GJA8: variants seen among roughly 807,000 people sequenced by gnomAD.
GJA8 encodes gap junction protein alpha 8.
In GJA8, 13 loss-of-function variants were observed where a neutral mutation model predicts 15.3. That is an observed-to-expected ratio of 0.85 (90% CI 0.55 to 1.35). The LOEUF (loss-of-function observed/expected upper bound fraction) is 1.35, where lower values mean the gene tolerates loss of function less well. GJA8 is among the 40% of genes most tolerant of loss of function. GJA8 has a pLI of 0.00. For missense variants in GJA8, 607 were observed against 553.3 expected, an observed-to-expected ratio of 1.10 and a Z score of -0.97; for synonymous variants, 304 against 238.7, an observed-to-expected ratio of 1.27 and a Z score of -2.52.
At chr1:147,904,140 C>T (rs1553241973) in intron 1 of GJA8, among the ~76,000 whole-genome samples, 1 of 152,024 alleles carries the variant, frequency 6.6e-6, no homozygotes, top group East Asian at 1.9e-4. Context: ...ACCCTGTTGG[C>T]CAGGCTGATC....
At position 147,908,088 on chromosome 1, in the gene GJA8, T is replaced by TG. The variant is rs1553242552; in HGVS notation, c.139dup (p.Asp47GlyfsTer2). The TG allele has an allele frequency of 3.7e-6, 6 of 1,614,048 alleles. No individual in the cohort carries two copies. Among genetic ancestry groups the TG allele is most frequent in the African/African-American group, 1.3e-5 (1 of 74,918 alleles). On this transcript the variant is annotated frameshift_variant, in exon 2 of 2. Coordinates refer to ENST00000369235, the MANE Select transcript of GJA8 (RefSeq NM_005267.5). LOFTEE classifies it high-confidence loss of function. ...CCTTGGCACGGCCGCAGAGTTCGTGTGGGGGGATGAGCAATCCGACTTCGT... is the reference window on the plus strand; with the variant it reads ...CCTTGGCACGGCCGCAGAGTTCGTGTGGGGGGGATGAGCAATCCGACTTCGT...
intron 1 of GJA8, among the ~76,000 whole-genome samples, chr1:147,905,996 C>T (rs1558008106): frequency 6.6e-6 from 1 of 152,244 alleles, no homozygotes; most frequent in Non-Finnish European, 1.5e-5. Flanking sequence ...AAGCGAACAG[C>T]TATTGTGCCT....
In GJA8 at chr1:147,908,288, G is replaced by A. The variant is rs372885882; in HGVS notation, c.333G>A (p.Ala111=). ...AGGAGAAGCGCAAAAGCCGCGAGGC[G>A]GAGGAGCTGGGCCAGCAGGCGGGGA... ...RMEEKRKSRE[A]EELGQQAGTN... Residue 111 remains alanine (A), a synonymous_variant, in exon 2 of 2, where the codon GCG becomes GCA. Transcript: ENST00000369235. 35 of 1,614,030 alleles carry A rather than the reference G, an allele frequency of 2.2e-5. No homozygotes were observed. Among genetic ancestry groups the A allele is most frequent in the South Asian group, 4.4e-5 (4 of 91,082 alleles).
In GJA8 at chr1:147,909,078, C is replaced by A. The variant is rs782515955; in HGVS notation, c.1123C>A (p.Pro375Thr). Residue 375 changes from proline to threonine, a missense_variant, in exon 2 of 2, where the codon CCC becomes ACC. Physicochemically the swap from Pro to Thr is conservative, Grantham distance 38. Coordinates refer to ENST00000369235, the MANE Select transcript of GJA8 (RefSeq NM_005267.5). Reference sequence around the variant, plus strand: ...GCCAGAGGGGGAGAAAGTAGAGACCCCCGGAGTGGATAAGGAGGGTGAAAA... The same window carrying A: ...GCCAGAGGGGGAGAAAGTAGAGACCACCGGAGTGGATAAGGAGGGTGAAAA... The part of the protein sequence containing the change: ...AVPEGEKVET[P>T]GVDKEGEKEE... 1 of 1,609,010 alleles carries A rather than the reference C, an allele frequency of 6.2e-7. No individual in the cohort carries two copies. The highest frequency in any genetic ancestry group is 1.1e-5 in the South Asian group (1 of 90,496).
downstream of GJA8, among the ~76,000 whole-genome samples, chr1:147,912,064 G>T (rs1652183286): frequency 6.6e-6 from 1 of 152,094 alleles, no homozygotes. Flanking sequence ...TTCTATTTCT[G>T]CCATTTAGTA....
chr1:147,908,724 G>T lies in GJA8; in HGVS notation c.769G>T (p.Val257Phe), dbSNP rs781985676. ...TGAGAAATCCCTCCACTCCATTGCTGTCTCCTCCATCCAGAAAGCCAAGGG... is the reference window on the plus strand; with the variant it reads ...TGAGAAATCCCTCCACTCCATTGCTTTCTCCTCCATCCAGAAAGCCAAGGG... Reference protein sequence around the residue: ...IPEKSLHSIAVSSIQKAKGYQ... With the variant: ...IPEKSLHSIAFSSIQKAKGYQ... The change falls in exon 2 of 2, where the codon GTC (valine) becomes TTC (phenylalanine). Residue 257 changes from valine (V) to phenylalanine (F), a missense_variant. Transcript: ENST00000369235. 6.2e-7 allele frequency: 1 copy of T among 1,614,098 alleles called. No individual in the cohort carries two copies. Among genetic ancestry groups the T allele is most frequent in the Non-Finnish European group, 8.5e-7 (1 of 1,179,960 alleles).
At chr1:147,911,617 C>T (rs1367380976), downstream of GJA8, among the ~76,000 whole-genome samples, 8 of 152,124 alleles carry the variant, frequency 5.3e-5, no homozygotes, top group Admixed American at 5.2e-4. Flanking sequence ...AGACTTTCTC[C>T]TATATGGTGA....
At position 147,908,012 on chromosome 1, in the gene GJA8, C is replaced by A. The variant is rs868966405; in HGVS notation, c.57C>A (p.Thr19=). ...NILEEVNEHS[T]VIGRVWLTVL... Reference sequence around the variant, plus strand: ...TGGAGGAGGTGAATGAGCACTCCACCGTCATCGGCAGAGTCTGGCTCACCG... The same window carrying A: ...TGGAGGAGGTGAATGAGCACTCCACAGTCATCGGCAGAGTCTGGCTCACCG... Residue 19 remains threonine (T), a synonymous_variant, in exon 2 of 2, where the codon ACC becomes ACA. Coordinates refer to ENST00000369235, the MANE Select transcript of GJA8 (RefSeq NM_005267.5). 6.2e-7 allele frequency: 1 copy of A among 1,614,042 alleles called. No individual in the cohort carries two copies. Among genetic ancestry groups the A allele is most frequent in the Non-Finnish European group, 8.5e-7 (1 of 1,179,896 alleles).
Position 147,908,007 on chromosome 1 carries a change from TCC to T in GJA8, c.53_54del (p.Ser18TyrfsTer30). On this transcript the variant is annotated frameshift_variant, in exon 2 of 2. Coordinates refer to ENST00000369235, the MANE Select transcript of GJA8 (RefSeq NM_005267.5). LOFTEE classifies it high-confidence loss of function. ...GNILEEVNEH[S>X]TVIGRVWLTV... ...CATCTTGGAGGAGGTGAATGAGCAC[TCC>T]ACCGTCATCGGCAGAGTCTGGCTCA... The T allele has an allele frequency of 6.2e-7, 1 of 1,614,094 alleles. No individual in the cohort carries two copies. Among genetic ancestry groups the T allele is most frequent in the Non-Finnish European group, 8.5e-7 (1 of 1,179,960 alleles).
chr1:147,911,507 G>A (rs1378035787), downstream of GJA8, among the ~76,000 whole-genome samples: 1 of 152,190 alleles, frequency 6.6e-6, no homozygotes, highest in African/African-American at 2.4e-5. Flanking sequence ...CAAACCTTCA[G>A]TGGAGGGATG....
downstream of GJA8, chr1:147,909,290 A>C: frequency 1.4e-6 from 2 of 1,404,048 alleles, no homozygotes; most frequent in Non-Finnish European, 2.0e-6. Flanking sequence ...AAAACGCCCA[A>C]GCTTACGTAG....
At chr1:147,906,604 T>A (rs1385418607) in intron 1 of GJA8, among the ~76,000 whole-genome samples, 2 of 152,162 alleles carry the variant, frequency 1.3e-5, no homozygotes, top group Admixed American at 6.5e-5. Flanking sequence ...CAAAGCATTC[T>A]CTCTGTTCTT....
Position 147,908,336 on chromosome 1 carries a change from C to T in GJA8, c.381C>T (p.Gly127=), listed in dbSNP as rs782714532. ...QAGTNGGPDQ[G]SVKKSSGSKG... ...GGACTAACGGCGGCCCGGACCAGGG[C>T]AGCGTCAAGAAGAGCAGCGGCAGCA... The change falls in exon 2 of 2, where the codon GGC becomes GGT. Residue 127 remains glycine (G), a synonymous_variant. Coordinates refer to ENST00000369235, the MANE Select transcript of GJA8 (RefSeq NM_005267.5). The T allele has an allele frequency of 1.2e-6, 2 of 1,614,118 alleles. No individual in the cohort carries two copies.
At position 147,908,005 on chromosome 1, in the gene GJA8, A is replaced by AC; in HGVS notation, c.51dup (p.Ser18LeufsTer31). The AC allele has an allele frequency of 6.2e-7, 1 of 1,613,878 alleles. No individual in the cohort carries two copies. The highest frequency in any genetic ancestry group is 1.7e-5 in the Admixed American group (1 of 60,024). ...AACATCTTGGAGGAGGTGAATGAGC[A>AC]CTCCACCGTCATCGGCAGAGTCTGG... On this transcript the variant is annotated frameshift_variant, in exon 2 of 2. Transcript: ENST00000369235. LOFTEE classifies it high-confidence loss of function.
chr1:147,908,540 C>A lies in GJA8; in HGVS notation c.585C>A (p.Phe195Leu). 6.2e-7 allele frequency: 1 copy of A among 1,614,200 alleles called. No homozygotes were observed. Among genetic ancestry groups the A allele is most frequent in the African/African-American group, 1.3e-5 (1 of 75,056 alleles). ...CCTGCCCCAATGTGGTGGACTGCTTCGTGTCCCGGCCCACGGAGAAAACCA... is the reference window on the plus strand; with the variant it reads ...CCTGCCCCAATGTGGTGGACTGCTTAGTGTCCCGGCCCACGGAGAAAACCA... Reference protein sequence around the residue: ...RWPCPNVVDCFVSRPTEKTIF... With the variant: ...RWPCPNVVDCLVSRPTEKTIF... Residue 195 changes from phenylalanine (F) to leucine (L), a missense_variant, in exon 2 of 2, where the codon TTC becomes TTA. By Grantham distance (22) the Phe-to-Leu change is conservative (BLOSUM62 0). Coordinates refer to ENST00000369235, the MANE Select transcript of GJA8 (RefSeq NM_005267.5).
chr1:147,910,330 CTTA>C (rs199830499), downstream of GJA8, among the ~76,000 whole-genome samples: 5,126 of 152,232 alleles, frequency 0.034, 104 homozygotes, highest in African/African-American at 0.046. Flanking sequence ...TGGAATCGGT[CTTA>C]TTATTTATGG....
At position 147,908,110 on chromosome 1, in the gene GJA8, T is replaced by A; in HGVS notation, c.155T>A (p.Phe52Tyr). ...EFVWGDEQSD[F>Y]VCNTQQPGCE... ...GTGTGGGGGGATGAGCAATCCGACT[T>A]CGTGTGCAACACCCAGCAGCCTGGC... Residue 52 changes from phenylalanine (F) to tyrosine (Y), a missense_variant, in exon 2 of 2, where the codon TTC (phenylalanine) becomes TAC (tyrosine). Transcript: ENST00000369235. The A allele has an allele frequency of 6.2e-7, 1 of 1,614,190 alleles. No homozygotes were observed. Among genetic ancestry groups the A allele is most frequent in the Non-Finnish European group, 8.5e-7 (1 of 1,180,026 alleles).
chr1:147,906,741 T>C (rs1162877116), intron 1 of GJA8, among the ~76,000 whole-genome samples: 1 of 152,220 alleles, frequency 6.6e-6, no homozygotes, highest in African/African-American at 2.4e-5. Context: ...AAGAATTGTG[T>C]AGCTTTGATT....
At chr1:147,914,342 A>G in the GJA8 span, among the ~76,000 whole-genome samples, 1 of 152,160 alleles carries the variant, frequency 6.6e-6, no homozygotes, top group Non-Finnish European at 1.5e-5. Flanking sequence ...ATTCATAACA[A>G]ACTTCCTGGG....
Sources: gnomAD v4.1 joint callset for allele counts (sites outside exome capture counted in the v4.1 genomes callset) on GRCh38, gnomAD v4.1.1 for gene constraint, MANE v1.5 for transcripts, NCBI Gene and HGNC (gene_info 2026-07-23, HGNC 2026-07-21) for gene names.